Variants in C12orf57 observed in about 807,000 individuals in gnomAD.
C12orf57 encodes protein C10.
C12orf57 carries 14 observed loss-of-function variants against 11.3 expected under a neutral mutation model. The observed-to-expected ratio is 1.24, with a 90% CI of 0.82 to 1.94. The LOEUF (loss-of-function observed/expected upper bound fraction) is 1.94. Ranked by LOEUF, C12orf57 falls within the 30% of genes most tolerant of loss-of-function variation. The probability of loss-of-function intolerance (pLI) is 0.00; values close to 1 mark genes in which losing one functional copy is unlikely to be tolerated. For synonymous variants in C12orf57, 100 were observed against 74.6 expected, an observed-to-expected ratio of 1.34 and a Z score of -1.76; for missense variants, 229 against 172.4, an observed-to-expected ratio of 1.33 and a Z score of -1.84.
At chr12:6,943,556 C>T (rs1228664476), upstream of C12orf57, 12 of 1,288,344 alleles carry the variant, frequency 9.3e-6, no homozygotes, top group Admixed American at 2.8e-4. Context: ...CCGGGCTTAA[C>T]AACAACGAAG....
At chr12:6,943,813 C>T (rs142699589), upstream of C12orf57, 979 of 865,876 alleles carry the variant, frequency 1.1e-3, 6 homozygotes, top group African/African-American at 0.013. Flanking sequence ...AACACATACG[C>T]AGCAGTGTTA....
upstream of C12orf57, chr12:6,943,996 G>C (rs917755635): frequency 1.9e-6 from 3 of 1,589,264 alleles, no homozygotes; most frequent in South Asian, 1.1e-5. Flanking sequence ...ACGCCTGGGC[G>C]CTTCCGGCTG....
chr12:6,944,697 G>T (rs1555146104), intron 2 of C12orf57, 45 bp downstream of exon 2: 1 of 1,601,034 alleles, frequency 6.2e-7, no homozygotes, highest in South Asian at 1.1e-5. Context: ...GAAGGCGGGA[G>T]TTGGGTCGGG....
chr12:6,943,987 C>A (rs1018000550), upstream of C12orf57: 6 of 1,586,046 alleles, frequency 3.8e-6, no homozygotes, highest in East Asian at 4.5e-5. Context: ...GTTTGGGCCA[C>A]GCCTGGGCGC....
rs782435454 is a variant in C12orf57, at chr12:6,944,161, G to GA, written c.41dup (p.Gln15AlafsTer28). 1.9e-6 allele frequency: 3 copies of GA among 1,614,210 alleles called. No homozygotes were observed. In the Admixed American group the frequency reaches 5.0e-5, roughly 27 times the overall value. ...GACCCAACCGGCGGCCTTGAGCGCTGAGCAAGCAAAGGGTGAGAATCGTCC... is the reference window on the plus strand; with the variant it reads ...GACCCAACCGGCGGCCTTGAGCGCTGAAGCAAGCAAAGGGTGAGAATCGTCC... On this transcript the variant is annotated frameshift_variant, in exon 1 of 3. Coordinates refer to ENST00000229281, the MANE Select transcript of C12orf57 (RefSeq NM_138425.4). LOFTEE classifies it high-confidence loss of function.
chr12:6,944,105 A>G lies in C12orf57; in HGVS notation c.-17A>G, dbSNP rs782070700. On this transcript the variant is annotated 5_prime_UTR_variant, in exon 1 of 3. Coordinates refer to ENST00000229281, the MANE Select transcript of C12orf57 (RefSeq NM_138425.4). ...TTTTCCATTTACCTCCGCTGAACCTAGAGCTTCAGACGCCCTATGGCGTCC... is the reference window on the plus strand; with the variant it reads ...TTTTCCATTTACCTCCGCTGAACCTGGAGCTTCAGACGCCCTATGGCGTCC... 1.2e-6 allele frequency: 2 copies of G among 1,614,196 alleles called. No individual in the cohort carries two copies. Among genetic ancestry groups the G allele is most frequent in the Non-Finnish European group, 8.5e-7 (1 of 1,180,014 alleles).
At chr12:6,943,709 C>T, upstream of C12orf57, 2 of 1,277,396 alleles carry the variant, frequency 1.6e-6, no homozygotes, top group Non-Finnish European at 2.0e-6. Flanking sequence ...TTACCACATG[C>T]GTCGTTGTTT....
upstream of C12orf57, chr12:6,943,878 T>TA: frequency 1.0e-6 from 1 of 996,774 alleles, no homozygotes; most frequent in South Asian, 1.7e-5. Context: ...GGAAAGCCCC[T>TA]CTTATGATGT....
chr12:6,944,755 C>T, intron 2 of C12orf57, 103 bp downstream of exon 2: 1 of 1,564,784 alleles, frequency 6.4e-7, no homozygotes, highest in Non-Finnish European at 8.7e-7. Context: ...CCCTTTCTCG[C>T]CACACGGCGG....
chr12:6,943,974 A>T, upstream of C12orf57: 2 of 1,565,026 alleles, frequency 1.3e-6, no homozygotes, highest in East Asian at 2.2e-5. Context: ...TTGGGGTATG[A>T]AGGTTTGGGC....
chr12:6,944,434 C>G, intron 1 of C12orf57, 42 bp from the exon 2 acceptor site: 1 of 1,595,838 alleles, frequency 6.3e-7, no homozygotes, highest in Non-Finnish European at 8.5e-7. Context: ...TGTTCTCCGA[C>G]GCCTACCCGG....
intron 1 of C12orf57, 22 bp from the exon 2 acceptor site, chr12:6,944,454 C>T (rs1326210736): frequency 3.7e-6 from 6 of 1,608,166 alleles, no homozygotes; most frequent in Non-Finnish European, 5.1e-6. Context: ...GGACGCCTCC[C>T]TGGGATGCTT....
chr12:6,945,677 G>A, intron 2 of C12orf57, 94 bp from the exon 3 acceptor site: 2 of 1,350,690 alleles, frequency 1.5e-6, no homozygotes, highest in Non-Finnish European at 1.0e-6. Context: ...CCAGCCAGTG[G>A]GGGAGCAGTT....
Position 6,944,639 on chromosome 12 carries a change from C to T in C12orf57, c.216C>T (p.Ser72=), listed in dbSNP as rs921841674. The change falls in exon 2 of 3, where the codon AGC becomes AGT. Residue 72 remains serine, a synonymous_variant. Transcript: ENST00000229281. ...QQEVIKAYGF[S]CDGEGVLKFA... ...AGGTTATCAAAGCCTATGGCTTCAG[C>T]TGCGACGGGGAAGGTGGGTCAGACG... is the stretch of plus-strand genomic sequence containing the variant. The T allele has an allele frequency of 1.9e-5, 30 of 1,612,286 alleles. No homozygotes were observed. The highest frequency in any genetic ancestry group is 2.5e-5 in the Non-Finnish European group (29 of 1,178,606).
upstream of C12orf57, chr12:6,943,534 G>A (rs1235932722): frequency 1.6e-6 from 2 of 1,287,612 alleles, no homozygotes; most frequent in East Asian, 5.6e-5. Context: ...CTTTACTGCC[G>A]AATCCAGGTC....
At chr12:6,944,341 T>C (rs1945735420) in intron 1 of C12orf57, 135 bp from the exon 2 acceptor site, 4 of 1,557,206 alleles carry the variant, frequency 2.6e-6, no homozygotes, top group East Asian at 4.7e-5. Context: ...AGTGGGGCGC[T>C]TGCCCCCAAG....
In C12orf57 at chr12:6,944,737, C is replaced by T. The variant is rs1171133653; in HGVS notation, c.229+85C>T. Reference sequence around the variant, plus strand: ...GGCGCCGGATCTGTGGGCCCATGAGCGGTTGTCCCCTTTCTCGCCACACGG... The same window carrying T: ...GGCGCCGGATCTGTGGGCCCATGAGTGGTTGTCCCCTTTCTCGCCACACGG... On this transcript the variant is annotated intron_variant, in intron 2 of 2. Coordinates refer to ENST00000229281, the MANE Select transcript of C12orf57 (RefSeq NM_138425.4). The T allele has an allele frequency of 4.4e-6, 7 of 1,582,266 alleles. No homozygotes were observed. In the East Asian group the frequency reaches 9.0e-5, roughly 20 times the overall value.
chr12:6,944,192 A>C lies in C12orf57; in HGVS notation c.52+19A>C, dbSNP rs1555145860. Reference sequence around the variant, plus strand: ...GCAAAGGGTGAGAATCGTCCTAGTCAAGGCATAGGCTGCTGGCCTGGGGTA... The same window carrying C: ...GCAAAGGGTGAGAATCGTCCTAGTCCAGGCATAGGCTGCTGGCCTGGGGTA... On this transcript the variant is annotated intron_variant, in intron 1 of 2. Transcript: ENST00000229281. 6.4e-7 allele frequency: 1 copy of C among 1,565,790 alleles called. No homozygotes were observed. The highest frequency in any genetic ancestry group is 1.3e-5 in the African/African-American group (1 of 74,390).
rs958601329 is a variant in C12orf57 at position 6,945,990 on chromosome 12, C to T, written c.*68C>T. 8.5e-6 allele frequency: 13 copies of T among 1,528,808 alleles called. No individual in the cohort carries two copies. The highest frequency in any genetic ancestry group is 2.7e-5 in the African/African-American group (2 of 73,050). 94.7% of individuals were successfully genotyped at this position (1,528,808 alleles called of 1,614,324 possible). ...TTGATGTTCCAGACAATAATAAATGCGCCTGTGACTTAGCCTTGGTGTCAG... is the reference window on the plus strand; with the variant it reads ...TTGATGTTCCAGACAATAATAAATGTGCCTGTGACTTAGCCTTGGTGTCAG... On this transcript the variant is annotated 3_prime_UTR_variant, in exon 3 of 3. Coordinates refer to ENST00000229281, the MANE Select transcript of C12orf57 (RefSeq NM_138425.4).
Sources: allele counts gnomAD v4.1 joint callset, GRCh38; gene constraint gnomAD v4.1.1; transcripts MANE v1.5; gene names NCBI Gene and HGNC (gene_info 2026-07-23, HGNC 2026-07-21).